Variants in BBIP1 observed in about 807,000 individuals in gnomAD.
BBIP1 encodes the protein BBSome interacting protein 1, also known as BBSome-interacting protein 1.
Under a neutral mutation model 8.9 loss-of-function variants are expected in BBIP1, and 6 were observed. The ratio of observed to expected loss-of-function variants is 0.67; its 90% CI spans 0.37 to 1.33. The LOEUF (loss-of-function observed/expected upper bound fraction) is 1.33. Ranked by LOEUF, BBIP1 falls within the 40% of genes most tolerant of loss-of-function variation. The pLI, the probability that BBIP1 is intolerant of heterozygous loss-of-function variation, is 0.02. For missense variants in BBIP1, 111 were observed against 109.2 expected, an observed-to-expected ratio of 1.02 and a Z score of -0.07; for synonymous variants, 32 against 33.4, an observed-to-expected ratio of 0.96 and a Z score of 0.14.
At chr10:110,900,621 C>G (rs896812094) in intron 3 of BBIP1, 95 bp from the exon 4 acceptor site, 9 of 1,026,798 alleles carry the variant, frequency 8.8e-6, no homozygotes, top group Non-Finnish European at 1.2e-5. Context: ...AAAAATTAAT[C>G]TCTTGTCACT....
intron 2 of BBIP1, among the ~76,000 whole-genome samples, chr10:110,906,091 C>A (rs1235731758): frequency 6.6e-6 from 1 of 151,322 alleles, no homozygotes; most frequent in African/African-American, 2.4e-5. Flanking sequence ...CAAGCTCCGC[C>A]TCCCGGGTTC....
At chr10:110,904,361 GA>G (rs1366993361) in intron 2 of BBIP1, 2 of 152,226 alleles carry the variant, frequency 1.3e-5, no homozygotes, top group African/African-American at 4.8e-5. Flanking sequence ...CAGCATGCCA[GA>G]AGGTGGTAAG....
At chr10:110,914,455 A>AG (rs1846349441) in intron 2 of BBIP1, among the ~76,000 whole-genome samples, 1 of 151,992 alleles carries the variant, frequency 6.6e-6, no homozygotes. Context: ...TGTAAATATG[A>AG]GAAAAAGGTG....
At chr10:110,916,959 G>A (rs1385352178) in intron 2 of BBIP1, among the ~76,000 whole-genome samples, 1 of 152,116 alleles carries the variant, frequency 6.6e-6, no homozygotes, top group Non-Finnish European at 1.5e-5. Context: ...GTATAGCTGC[G>A]TTTGAGAAGG....
At chr10:110,905,779 A>G (rs1417178715) in intron 2 of BBIP1, among the ~76,000 whole-genome samples, 1 of 152,212 alleles carries the variant, frequency 6.6e-6, no homozygotes, top group East Asian at 1.9e-4. Context: ...CTTATCATAA[A>G]TTTAAATTAT....
At chr10:110,900,578 T>C in intron 3 of BBIP1, 52 bp from the exon 4 acceptor site, 1 of 1,395,104 alleles carries the variant, frequency 7.2e-7, no homozygotes, top group South Asian at 1.5e-5. Context: ...CCCAGTTGTT[T>C]GTAGTTGGAT....
chr10:110,912,765 G>A lies in BBIP1; in HGVS notation c.37+5356C>T, dbSNP rs1846308717. On this transcript the variant is annotated intron_variant, in intron 2 of 3. Coordinates refer to ENST00000448814, the MANE Select transcript of BBIP1 (RefSeq NM_001195305.3). ...ATTTGATCTTTGCTGGGAGCCCCAA[G>A]GAGCCGTTCCATGGGTCTATGTGTT... 2.6e-5 allele frequency among the ~76,000 whole-genome samples: 4 copies of A among 152,016 alleles called. No individual in the cohort carries two copies. In the South Asian group the frequency reaches 8.3e-4, roughly 32 times the overall value.
intron 1 of BBIP1, 82 bp from the exon 2 acceptor site, chr10:110,918,295 AAG>A: frequency 1.4e-6 from 1 of 715,396 alleles, no homozygotes; most frequent in South Asian, 1.7e-5. Context: ...CACGTTGTTT[AAG>A]AAACTGTAGA....
chr10:110,918,589 A>G (rs1323466582), intron 1 of BBIP1, among the ~76,000 whole-genome samples: 1 of 152,168 alleles, frequency 6.6e-6, no homozygotes, highest in African/African-American at 2.4e-5. Context: ...CGGAGTTAGG[A>G]GCTCCGCCCC....
At chr10:110,913,433 A>G (rs772067099) in intron 2 of BBIP1, among the ~76,000 whole-genome samples, 7 of 152,250 alleles carry the variant, frequency 4.6e-5, no homozygotes, top group Non-Finnish European at 8.8e-5. Context: ...ATAAGACAGC[A>G]TGATCTATTT....
chr10:110,915,612 C>T (rs982919218), intron 2 of BBIP1, among the ~76,000 whole-genome samples: 2 of 152,210 alleles, frequency 1.3e-5, no homozygotes, highest in African/African-American at 4.8e-5. Flanking sequence ...AAACTGACTG[C>T]ACTCCATGTG....
At chr10:110,904,234 A>C (rs1846076929) in intron 2 of BBIP1, 1 of 150,304 alleles carries the variant, frequency 6.7e-6, no homozygotes, top group African/African-American at 2.5e-5. Context: ...TGGCCATTTA[A>C]TTCAATAAAT....
chr10:110,918,097 G>T, intron 2 of BBIP1, 24 bp downstream of exon 2: 2 of 1,532,852 alleles, frequency 1.3e-6, no homozygotes, highest in Non-Finnish European at 1.7e-6. Flanking sequence ...TGACTGGCTG[G>T]ATATTAACCA....
At position 110,918,165 on chromosome 10, in the gene BBIP1, G is replaced by C. The variant is rs533487597; in HGVS notation, c.-8C>G. ...TGCTGCAGCTTTAAGCATCCAACCCGGTATTACCAAGATGACTTAGAGTTC... is the reference window on the plus strand; with the variant it reads ...TGCTGCAGCTTTAAGCATCCAACCCCGTATTACCAAGATGACTTAGAGTTC... On this transcript the variant is annotated 5_prime_UTR_variant, in exon 2 of 4. Coordinates refer to ENST00000448814, the MANE Select transcript of BBIP1 (RefSeq NM_001195305.3). The C allele has an allele frequency of 1.6e-5, 25 of 1,535,324 alleles. No homozygotes were observed. Among genetic ancestry groups the C allele is most frequent in the Non-Finnish European group, 1.2e-5 (14 of 1,146,302 alleles).
Position 110,900,504 on chromosome 10 carries a change from T to A in BBIP1, c.135A>T (p.Ile45=). Residue 45 remains isoleucine, a synonymous_variant, in exon 4 of 4, where the codon ATA becomes ATT. Coordinates refer to ENST00000448814, the MANE Select transcript of BBIP1 (RefSeq NM_001195305.3). ...PKQGPLFVED[I]MTMVLCKPKL... ...TGGGTTTACACAGCACCATTGTCAT[T>A]ATATCTTCCACAAACAGTGGCCCTA... is the stretch of plus-strand genomic sequence containing the variant. 6.5e-7 allele frequency: 1 copy of A among 1,532,664 alleles called. No homozygotes were observed. 94.9% of individuals were successfully genotyped at this position (1,532,664 alleles called of 1,614,324 possible). A position where few individuals can be genotyped will look rare whatever the true frequency, so the allele number is the denominator to read the frequency against.
intron 2 of BBIP1, among the ~76,000 whole-genome samples, chr10:110,915,824 C>G (rs1019893552): frequency 6.6e-6 from 1 of 152,292 alleles, no homozygotes; most frequent in East Asian, 1.9e-4. Flanking sequence ...GTGCCTCAGC[C>G]TCTTGAGTAG....
At chr10:110,914,252 T>C (rs74156311) in intron 2 of BBIP1, among the ~76,000 whole-genome samples, 8,853 of 152,166 alleles carry the variant, frequency 0.058, 334 homozygotes, top group African/African-American at 0.11. Flanking sequence ...AAGGATACTT[T>C]ATGTAAAGAG....
chr10:110,901,464 C>T (rs750429611), intron 3 of BBIP1, 74 bp downstream of exon 3: 18 of 1,036,394 alleles, frequency 1.7e-5, no homozygotes, highest in Non-Finnish European at 2.6e-5. Context: ...GCTATTAAGC[C>T]TGCTATGTGA....
chr10:110,911,001 G>C (rs1846262973), intron 2 of BBIP1: 1 of 152,214 alleles, frequency 6.6e-6, no homozygotes, highest in Non-Finnish European at 1.5e-5. Flanking sequence ...AGTCAGATTA[G>C]TCACTTAAAT....
Sources: allele counts gnomAD v4.1 joint callset (sites outside exome capture counted in the v4.1 genomes callset), GRCh38; gene constraint gnomAD v4.1.1; transcripts MANE v1.5; gene names NCBI Gene and HGNC (gene_info 2026-07-23, HGNC 2026-07-21).